LDB3: variants seen among roughly 807,000 people sequenced by gnomAD.
LDB3 encodes LIM domain-binding protein 3.
LDB3 carries 49 observed loss-of-function variants against 69.0 expected under a neutral mutation model. That is an observed-to-expected ratio of 0.71 (90% CI 0.56 to 0.90). The LOEUF (loss-of-function observed/expected upper bound fraction) is 0.90. Ranked by LOEUF, LDB3 falls within the 40% of genes least tolerant of loss-of-function variation. The probability of loss-of-function intolerance (pLI) is 0.00; values close to 1 mark genes in which losing one functional copy is unlikely to be tolerated. For synonymous variants in LDB3, 387 were observed against 396.2 expected (o/e 0.98, Z 0.28); for missense variants, 928 against 974.1 (o/e 0.95, Z 0.63).
rs903837123 is a variant in LDB3 at position 86,734,231 on chromosome 10, C to A, written c.*1255C>A. 2 of 152,152 alleles carry A rather than the reference C, an allele frequency of 1.3e-5. No individual in the cohort carries two copies. The highest frequency in any genetic ancestry group is 4.8e-5 in the African/African-American group (2 of 41,424). 9.4% of individuals were successfully genotyped at this position (152,152 alleles called of 1,614,324 possible). ...GGCCAATATTTTGAAAATGTATGAG[C>A]TGAGTTGATCTAGCTATTATTTAAG... On this transcript the variant is annotated 3_prime_UTR_variant, in exon 14 of 14. Coordinates refer to ENST00000361373, the MANE Select transcript of LDB3 (RefSeq NM_007078.3).
chr10:86,707,009 G>A (rs970272816), intron 8 of LDB3, among the ~76,000 whole-genome samples: 5 of 152,124 alleles, frequency 3.3e-5, no homozygotes, highest in East Asian at 1.9e-4. Context: ...AGAGGTAACA[G>A]TCTCTCTCTC....
intron 5 of LDB3, among the ~76,000 whole-genome samples, chr10:86,682,941 A>G (rs909766915): frequency 2.7e-5 from 4 of 149,740 alleles, no homozygotes; most frequent in Non-Finnish European, 4.5e-5. Context: ...CAGCTTCCCC[A>G]CCCCCCCAGC....
intron 9 of LDB3, among the ~76,000 whole-genome samples, chr10:86,711,354 G>T (rs568500859): frequency 6.6e-5 from 10 of 152,122 alleles, no homozygotes; most frequent in Non-Finnish European, 1.3e-4. Context: ...CGAGCGAGAC[G>T]GGCCGGAGCC....
chr10:86,681,886 CAGAGCG>C, intron 5 of LDB3, 83 bp downstream of exon 5: 1 of 1,398,614 alleles, frequency 7.1e-7, no homozygotes, highest in Non-Finnish European at 9.7e-7. Flanking sequence ...GTCAGGTGGT[CAGAGCG>C]AGGCACTGGC....
chr10:86,714,657 G>A lies in LDB3; in HGVS notation c.1232-1670G>A, dbSNP rs561451694. On this transcript the variant is annotated intron_variant, in intron 9 of 13. Transcript: ENST00000361373. ...TGCAAGCTCCGCCTCCTGGGTTCAC[G>A]CCATTCTCCTGCCTCAGCCTCCTGA... Among the ~76,000 whole-genome samples the A allele has an allele frequency of 2.1e-4, 31 of 149,758 alleles. 2 individuals carry two copies. In the East Asian group the frequency reaches 6.2e-3, roughly 30 times the overall value.
intron 5 of LDB3, among the ~76,000 whole-genome samples, chr10:86,683,337 A>G (rs1292809797): frequency 2.0e-5 from 3 of 152,214 alleles, no homozygotes; most frequent in Non-Finnish European, 4.4e-5. Context: ...GGTGGGCATG[A>G]TTTTCCCCAT....
chr10:86,686,806 C>CAAAA (rs3086887), intron 5 of LDB3, among the ~76,000 whole-genome samples: 50 of 133,152 alleles, frequency 3.8e-4, no homozygotes, highest in Admixed American at 7.6e-4. Flanking sequence ...GACCCTGTAT[C>CAAAA]AAAAAAAAAA....
intron 7 of LDB3, among the ~76,000 whole-genome samples, chr10:86,705,934 C>T (rs1310023660): frequency 6.6e-6 from 1 of 152,152 alleles, no homozygotes; most frequent in African/African-American, 2.4e-5. Flanking sequence ...ATTCTTGAAT[C>T]CCCTTGCCAC....
At chr10:86,683,332 G>C (rs1359916769) in intron 5 of LDB3, among the ~76,000 whole-genome samples, 1 of 152,242 alleles carries the variant, frequency 6.6e-6, no homozygotes, top group Non-Finnish European at 1.5e-5. Context: ...CCAGAGGTGG[G>C]CATGATTTTC....
intron 5 of LDB3, among the ~76,000 whole-genome samples, chr10:86,691,563 A>G (rs938189630): frequency 6.6e-6 from 1 of 152,098 alleles, no homozygotes; most frequent in African/African-American, 2.4e-5. Flanking sequence ...ACGGAGGTCA[A>G]AGAAGACCTG....
intron 5 of LDB3, chr10:86,685,692 T>A: frequency 6.2e-7 from 1 of 1,614,102 alleles, no homozygotes; most frequent in Non-Finnish European, 8.5e-7. Context: ...TAGTCAACTC[T>A]CCAGCCAAGT....
Position 86,681,569 on chromosome 10 carries a change from TCTC to T in LDB3, c.459_461del (p.Ser154del), listed in dbSNP as rs1412811815. 25 of 1,612,844 alleles carry T rather than the reference TCTC, an allele frequency of 1.6e-5. No homozygotes were observed. The highest frequency in any genetic ancestry group is 1.9e-5 in the Non-Finnish European group (22 of 1,179,744). On this transcript the variant is annotated inframe_deletion, in exon 5 of 14. Coordinates refer to ENST00000361373, the MANE Select transcript of LDB3 (RefSeq NM_007078.3). ...CCTGCCTTCTCCCGGCCCTCCGCCT[TCTC>T]CTCACTCGCCGAGGCCTCTGACCCT...
chr10:86,710,226 T>C (rs1217946685), intron 9 of LDB3, 176 bp downstream of exon 9: 1 of 985,370 alleles, frequency 1.0e-6, no homozygotes. Flanking sequence ...GGAGCCTGCA[T>C]CTGGTCTGGG....
At chr10:86,673,426 G>T (rs960468128) in intron 2 of LDB3, among the ~76,000 whole-genome samples, 2 of 152,186 alleles carry the variant, frequency 1.3e-5, no homozygotes, top group African/African-American at 4.8e-5. Context: ...ACTTCTTGGA[G>T]GAGTCTGGAG....
intron 4 of LDB3, 66 bp from the exon 5 acceptor site, chr10:86,681,370 C>G: frequency 6.3e-7 from 1 of 1,592,864 alleles, no homozygotes; most frequent in Non-Finnish European, 8.5e-7. Flanking sequence ...CACGCAGGAG[C>G]GCTGGGACGC....
chr10:86,681,674 C>T lies in LDB3; in HGVS notation c.560C>T (p.Pro187Leu), dbSNP rs149218167. The T allele has an allele frequency of 7.7e-5, 124 of 1,613,360 alleles. No individual in the cohort carries two copies. The East Asian group carries it at 1.7e-3, about 23-fold the overall frequency. Residue 187 changes from proline (P) to leucine (L), a missense_variant, in exon 5 of 14, where the codon CCG (proline) becomes CTG (leucine). By Grantham distance (98) the Pro-to-Leu change is moderately conservative. Transcript: ENST00000361373. ...GACCTACTCGGCCCAAAAGCCCTGC[C>T]GGGCTCGAGCCAGCCGAGGCAATAT... ...ARDLLGPKALPGSSQPRQYNN... is the reference protein window; with the variant it reads ...ARDLLGPKALLGSSQPRQYNN...
At chr10:86,718,959 T>C in intron 12 of LDB3, 112 bp downstream of exon 12, 1 of 1,367,940 alleles carries the variant, frequency 7.3e-7, no homozygotes, top group Middle Eastern at 1.9e-4. Flanking sequence ...CAGAGGCCTT[T>C]ATTTCTGGAA....
At chr10:86,712,129 C>T (rs956437774) in intron 9 of LDB3, among the ~76,000 whole-genome samples, 11 of 151,936 alleles carry the variant, frequency 7.2e-5, no homozygotes, top group African/African-American at 2.4e-4. Flanking sequence ...CCGACGGAGT[C>T]GGGGTTGCGA....
At chr10:86,687,000 C>A in intron 5 of LDB3, 1 of 1,477,194 alleles carries the variant, frequency 6.8e-7, no homozygotes, top group Non-Finnish European at 9.4e-7. Context: ...CTTGGCCACC[C>A]ATGTAACCGC....
Sources: gnomAD v4.1 joint callset for allele counts (sites outside exome capture counted in the v4.1 genomes callset) on GRCh38, gnomAD v4.1.1 for gene constraint, MANE v1.5 for transcripts, NCBI Gene and HGNC (gene_info 2026-07-23, HGNC 2026-07-21) for gene names.